Variants in SLFN14 observed in about 807,000 individuals in gnomAD.
The protein encoded by SLFN14 is protein SLFN14.
SLFN14 carries 47 observed loss-of-function variants against 58.6 expected under a neutral mutation model. The ratio of observed to expected loss-of-function variants is 0.80; its 90% CI spans 0.64 to 1.02. SLFN14 has a LOEUF of 1.02. SLFN14 is among the 50% of genes least tolerant of loss of function. The pLI, the probability that SLFN14 is intolerant of heterozygous loss-of-function variation, is 0.00. For synonymous variants in SLFN14, 390 were observed against 387.3 expected (o/e 1.01, Z -0.08); for missense variants, 967 against 1,078.4 (o/e 0.90, Z 1.45).
rs1287938141 is a variant in SLFN14 at position 35,545,402 on chromosome 17, T to A, written c.*2837A>T. Among the ~76,000 whole-genome samples, 2 of 152,120 alleles carry A rather than the reference T, an allele frequency of 1.3e-5. No homozygotes were observed. Among genetic ancestry groups the A allele is most frequent in the East Asian group, 3.8e-4 (2 of 5,196 alleles). On this transcript the variant is annotated 3_prime_UTR_variant, in exon 6 of 6. Transcript: ENST00000674182. ...ACTCTCAAGGAGCTCACAGTCTTAA[T>A]AGGAAGAGAAATGTGCACACATTTT...
At chr17:35,559,396 A>G (rs111328472) in intron 2 of SLFN14, among the ~76,000 whole-genome samples, 2,180 of 152,248 alleles carry the variant, frequency 0.014, 42 homozygotes, top group African/African-American at 0.049. Context: ...CCTCATATAC[A>G]GTGTGATGTG....
chr17:35,559,877 T>C (rs2072685002), intron 1 of SLFN14, among the ~76,000 whole-genome samples, 72 bp from the exon 2 acceptor site: 1 of 152,232 alleles, frequency 6.6e-6, no homozygotes, highest in South Asian at 2.1e-4. Context: ...TACATGTAAA[T>C]GTAGTATTTT....
In SLFN14 at chr17:35,544,614, C is replaced by A. The variant is rs1377417756; in HGVS notation, c.*3625G>T. 6.6e-6 allele frequency among the ~76,000 whole-genome samples: 1 copy of A among 151,770 alleles called. No individual in the cohort carries two copies. The highest frequency in any genetic ancestry group is 1.5e-5 in the Non-Finnish European group (1 of 67,992). ...CGCAATCTCAGCTCACTGCAACCTC[C>A]ACCTCCCAGGTTCAAGCAATTCTCC... On this transcript the variant is annotated 3_prime_UTR_variant, in exon 6 of 6. Transcript: ENST00000674182.
intron 4 of SLFN14, among the ~76,000 whole-genome samples, chr17:35,554,060 T>C (rs2142205612): frequency 6.6e-6 from 1 of 152,256 alleles, no homozygotes; most frequent in East Asian, 1.9e-4. Flanking sequence ...AAGAGTTATC[T>C]GACTCAAATG....
rs1056549593 is a variant in SLFN14, at chr17:35,546,248, G to T, written c.*1991C>A. Among the ~76,000 whole-genome samples the T allele has an allele frequency of 6.6e-6, 1 of 152,102 alleles. No individual in the cohort carries two copies. The highest frequency in any genetic ancestry group is 1.5e-5 in the Non-Finnish European group (1 of 68,014). On this transcript the variant is annotated 3_prime_UTR_variant, in exon 6 of 6. Coordinates refer to ENST00000674182, the MANE Select transcript of SLFN14 (RefSeq NM_001129820.2). Reference sequence around the variant, plus strand: ...ATGCACTGGCATCTTTTGCAAAACCGATTGCTGAACTTCATTTCCTCCTAT... The same window carrying T: ...ATGCACTGGCATCTTTTGCAAAACCTATTGCTGAACTTCATTTCCTCCTAT...
chr17:35,554,794 G>A (rs1446424592), intron 3 of SLFN14, 90 bp from the exon 4 acceptor site: 2 of 1,176,580 alleles, frequency 1.7e-6, no homozygotes, highest in Non-Finnish European at 2.2e-6. Flanking sequence ...TCTTCTTACT[G>A]GAGACCTGTG....
At position 35,553,203 on chromosome 17, in the gene SLFN14, A is replaced by T; in HGVS notation, c.1431T>A (p.Asn477Lys). 3.9e-6 allele frequency: 6 copies of T among 1,551,698 alleles called. No individual in the cohort carries two copies. Among genetic ancestry groups the T allele is most frequent in the Non-Finnish European group, 5.2e-6 (6 of 1,146,982 alleles). The change falls in exon 5 of 6, where the codon AAT (asparagine) becomes AAA (lysine). Residue 477 changes from asparagine (N) to lysine (K), a missense_variant. Physicochemically the swap from Asn to Lys is moderately conservative, Grantham distance 94. Coordinates refer to ENST00000674182, the MANE Select transcript of SLFN14 (RefSeq NM_001129820.2). ...VVLYTILIDP[N>K]WPGGLEYARN... ...GGGCATATTCAAGTCCTCCAGGCCA[A>T]TTGGGGTCTATTAAGATTGTATAGA...
rs2072518876 is a variant in SLFN14, at chr17:35,544,207, C to T, written c.*4032G>A. 6.6e-6 allele frequency among the ~76,000 whole-genome samples: 1 copy of T among 152,162 alleles called. No homozygotes were observed. The highest frequency in any genetic ancestry group is 1.5e-5 in the Non-Finnish European group (1 of 68,042). On this transcript the variant is annotated 3_prime_UTR_variant, in exon 6 of 6. Coordinates refer to ENST00000674182, the MANE Select transcript of SLFN14 (RefSeq NM_001129820.2). ...CCAATGCTGAAAGTCCATGTACAGC[C>T]TCTGTGCACATCAGAACTACTAACA...
intron 2 of SLFN14, among the ~76,000 whole-genome samples, 32 bp downstream of exon 2, chr17:35,559,695 G>A (rs935810635): frequency 2.6e-5 from 4 of 152,150 alleles, no homozygotes; most frequent in Non-Finnish European, 4.4e-5. Flanking sequence ...TCTTTGCAAA[G>A]CAGGGGCCCT....
rs2072663661 is a variant in SLFN14, at chr17:35,557,465, C to G, written c.598G>C (p.Glu200Gln). 1 of 1,551,542 alleles carries G rather than the reference C, an allele frequency of 6.4e-7. No individual in the cohort carries two copies. The highest frequency in any genetic ancestry group is 2.0e-5 in the Admixed American group (1 of 50,972). ...FFKKDKLMYK[E>Q]KLNFTESTHV... is the part of the protein sequence containing the mutation. The stretch of plus-strand genomic sequence containing the variant: ...GTTGACTCAGTAAAGTTGAGTTTCT[C>G]CTTATACATGAGTTTGTCCTTTTTA... The change falls in exon 3 of 6, where the codon GAG becomes CAG. Residue 200 changes from glutamate (E) to glutamine (Q), a missense_variant. Coordinates refer to ENST00000674182, the MANE Select transcript of SLFN14 (RefSeq NM_001129820.2).
chr17:35,556,915 T>C (rs1360365251), intron 3 of SLFN14, 88 bp downstream of exon 3: 2 of 1,215,788 alleles, frequency 1.6e-6, no homozygotes, highest in East Asian at 2.6e-5. Flanking sequence ...TTCTATTTTT[T>C]AACTAACATA....
At position 35,557,053 on chromosome 17, in the gene SLFN14, G is replaced by A; in HGVS notation, c.1010C>T (p.Thr337Ile). The A allele has an allele frequency of 6.4e-7, 1 of 1,551,662 alleles. No individual in the cohort carries two copies. The highest frequency in any genetic ancestry group is 8.7e-7 in the Non-Finnish European group (1 of 1,146,986). The change falls in exon 3 of 6, where the codon ACA becomes ATA. Residue 337 changes from threonine (T) to isoleucine (I), a missense_variant. Transcript: ENST00000674182. Reference sequence around the variant, plus strand: ...CACCCACTGCTCAGCTGTCAGCCGTGTGACAGAATTGTCTTTCATGATCCA... The same window carrying A: ...CACCCACTGCTCAGCTGTCAGCCGTATGACAGAATTGTCTTTCATGATCCA... ...DSWIMKDNSV[T>I]RLTAEQWVVM...
rs1597900811 is a variant in SLFN14, at chr17:35,548,487, C to T, written c.2491G>A (p.Ala831Thr). ...RGEDRGRYRLALLKAMELIET... is the reference protein window; with the variant it reads ...RGEDRGRYRLTLLKAMELIET... ...ATTAATTCCATTGCTTTGAGTAGTG[C>T]AAGCCTATAGCGTCCTCTGTCCTCC... Residue 831 changes from alanine (A) to threonine (T), a missense_variant, in exon 6 of 6, where the codon GCA (alanine) becomes ACA (threonine). Physicochemically the swap from Ala to Thr is moderately conservative, Grantham distance 58. Coordinates refer to ENST00000674182, the MANE Select transcript of SLFN14 (RefSeq NM_001129820.2). The T allele has an allele frequency of 6.4e-7, 1 of 1,551,734 alleles. No individual in the cohort carries two copies. Among genetic ancestry groups the T allele is most frequent in the South Asian group, 1.2e-5 (1 of 84,068 alleles).
At position 35,546,836 on chromosome 17, in the gene SLFN14, G is replaced by T. The variant is rs532592670; in HGVS notation, c.*1403C>A. Among the ~76,000 whole-genome samples the T allele has an allele frequency of 6.6e-6, 1 of 152,200 alleles. No homozygotes were observed. Among genetic ancestry groups the T allele is most frequent in the Non-Finnish European group, 1.5e-5 (1 of 68,034 alleles). ...TTTCAAAGGTGGAGGGGACAGAAAA[G>T]GGTTTAAAGACTGAGAAAATGGCAC... On this transcript the variant is annotated 3_prime_UTR_variant, in exon 6 of 6. Coordinates refer to ENST00000674182, the MANE Select transcript of SLFN14 (RefSeq NM_001129820.2).
Position 35,557,434 on chromosome 17 carries a change from A to G in SLFN14, c.629T>C (p.Val210Ala). ...TTTGGTGGTGAACCTTTTAAATTCA[A>G]CATGTGTTGACTCAGTAAAGTTGAG... is the stretch of plus-strand genomic sequence containing the variant. ...EKLNFTESTH[V>A]EFKRFTTKKV... is the part of the protein sequence containing the mutation. The change falls in exon 3 of 6, where the codon GTT becomes GCT. Residue 210 changes from valine (V) to alanine (A), a missense_variant. Transcript: ENST00000674182. 6.4e-7 allele frequency: 1 copy of G among 1,551,586 alleles called. No individual in the cohort carries two copies. The highest frequency in any genetic ancestry group is 8.7e-7 in the Non-Finnish European group (1 of 1,146,982).
At position 35,546,032 on chromosome 17, in the gene SLFN14, T is replaced by C. The variant is rs1363885419; in HGVS notation, c.*2207A>G. On this transcript the variant is annotated 3_prime_UTR_variant, in exon 6 of 6. Coordinates refer to ENST00000674182, the MANE Select transcript of SLFN14 (RefSeq NM_001129820.2). ...TCTCAAATTCAATATTTAAAACAAT[T>C]CTTTACAAATCAATTCTTTTATTAA... Among the ~76,000 whole-genome samples the C allele has an allele frequency of 1.3e-5, 2 of 152,308 alleles. No individual in the cohort carries two copies. The highest frequency in any genetic ancestry group is 2.4e-5 in the African/African-American group (1 of 41,560).
In SLFN14 at chr17:35,545,640, A is replaced by G. The variant is rs2072528373; in HGVS notation, c.*2599T>C. Among the ~76,000 whole-genome samples, 1 of 152,108 alleles carries G rather than the reference A, an allele frequency of 6.6e-6. No individual in the cohort carries two copies. Among genetic ancestry groups the G allele is most frequent in the Admixed American group, 6.5e-5 (1 of 15,272 alleles). On this transcript the variant is annotated 3_prime_UTR_variant, in exon 6 of 6. Transcript: ENST00000674182. ...CTCTGGAGTAGCTAGGATTAAAAGC[A>G]TGCACCACCATGCCCAACTAAGTTT...
rs1033359750 is a variant in SLFN14 at position 35,546,957 on chromosome 17, T to C, written c.*1282A>G. On this transcript the variant is annotated 3_prime_UTR_variant, in exon 6 of 6. Coordinates refer to ENST00000674182, the MANE Select transcript of SLFN14 (RefSeq NM_001129820.2). ...AAACTCTGAGAGTTGGATTTAAAAA[T>C]TAGCACCAAGTCATAATGGAAGAAA... Among the ~76,000 whole-genome samples the C allele has an allele frequency of 6.6e-6, 1 of 152,252 alleles. No homozygotes were observed. Among genetic ancestry groups the C allele is most frequent in the African/African-American group, 2.4e-5 (1 of 41,540 alleles).
rs565511248 is a variant in SLFN14 at position 35,548,804 on chromosome 17, C to T, written c.2174G>A (p.Arg725Gln). Residue 725 changes from arginine to glutamine, a missense_variant, in exon 6 of 6, where the codon CGA (arginine) becomes CAA (glutamine). Physicochemically the swap from Arg to Gln is conservative, Grantham distance 43. Transcript: ENST00000674182. Reference sequence around the variant, plus strand: ...GTGGATCCCACTGGTGATTGTTTTTCGAGGAAACTGAGCAGATGGAGGGGG... The same window carrying T: ...GTGGATCCCACTGGTGATTGTTTTTTGAGGAAACTGAGCAGATGGAGGGGG... ...GLPPPSAQFP[R>Q]KTITSGIHCA... 5.0e-5 allele frequency: 77 copies of T among 1,551,408 alleles called. 1 individual carries two copies. In the East Asian group the frequency reaches 1.2e-3, roughly 25 times the overall value.
Sources: gnomAD v4.1 joint callset for allele counts (sites outside exome capture counted in the v4.1 genomes callset) on GRCh38, gnomAD v4.1.1 for gene constraint, MANE v1.5 for transcripts, NCBI Gene and HGNC (gene_info 2026-07-23, HGNC 2026-07-21) for gene names.